Variants in NOL4 observed in about 807,000 individuals in gnomAD.
NOL4 encodes cancer/testis antigen 125.
Under a neutral mutation model 75.9 loss-of-function variants are expected in NOL4, and 17 were observed. The ratio of observed to expected loss-of-function variants is 0.22; its 90% CI spans 0.15 to 0.34. The LOEUF is 0.34. NOL4 is among the 10% of genes least tolerant of loss of function. The pLI is 1.00. For missense variants in NOL4, 614 were observed against 793.5 expected, an observed-to-expected ratio of 0.77 and a Z score of 2.72; for synonymous variants, 292 against 289.9, an observed-to-expected ratio of 1.01 and a Z score of -0.07.
At chr18:34,068,463 G>A (rs1028662625) in intron 5 of NOL4, among the ~76,000 whole-genome samples, 2 of 151,872 alleles carry the variant, frequency 1.3e-5, no homozygotes, top group African/African-American at 2.4e-5. Context: ...GCAGTGGCGC[G>A]AGCTTGGCTC....
intron 10 of NOL4, among the ~76,000 whole-genome samples, chr18:33,856,166 T>C (rs1032921918): frequency 6.6e-6 from 1 of 151,994 alleles, no homozygotes; most frequent in Non-Finnish European, 1.5e-5. Flanking sequence ...CAGTGACTGA[T>C]GGATGTTTGT....
intron 1 of NOL4, among the ~76,000 whole-genome samples, chr18:34,173,749 A>G (rs948761135): frequency 6.6e-6 from 1 of 152,150 alleles, no homozygotes; most frequent in Non-Finnish European, 1.5e-5. Context: ...TGTTATATGA[A>G]TTATTGAAAG....
rs111953352 is a variant in NOL4, at chr18:33,972,278, A to T, written c.1057-13860T>A. 7.1e-3 allele frequency among the ~76,000 whole-genome samples: 1,071 copies of T among 150,822 alleles called. 14 individuals carry two copies. The highest frequency in any genetic ancestry group is 0.023 in the African/African-American group (940 of 40,816). On this transcript the variant is annotated intron_variant, in intron 6 of 10. Transcript: ENST00000261592. The stretch of plus-strand genomic sequence containing the variant: ...ATAAAAATGCCTGCAACTCAACAAT[A>T]AAAAAAAACAAATAACCTGATTAAA...
chr18:33,941,891 C>T (rs2068515769), intron 9 of NOL4, among the ~76,000 whole-genome samples: 2 of 151,822 alleles, frequency 1.3e-5, no homozygotes, highest in African/African-American at 2.4e-5. Context: ...GATAAAACTC[C>T]TAACAGAGGG....
intron 1 of NOL4, among the ~76,000 whole-genome samples, chr18:34,171,029 T>C (rs1243681597): frequency 6.6e-6 from 1 of 152,216 alleles, no homozygotes; most frequent in African/African-American, 2.4e-5. Flanking sequence ...TTTGAGGGAA[T>C]AAATATTTGA....
chr18:33,927,906 A>G (rs1440791904), intron 9 of NOL4, among the ~76,000 whole-genome samples: 1 of 151,986 alleles, frequency 6.6e-6, no homozygotes, highest in Non-Finnish European at 1.5e-5. Context: ...TTCCTTTAGG[A>G]AGCATAGCCC....
intron 9 of NOL4, among the ~76,000 whole-genome samples, chr18:33,934,172 G>T (rs1370589949): frequency 6.6e-6 from 1 of 152,002 alleles, no homozygotes; most frequent in African/African-American, 2.4e-5. Flanking sequence ...TTCCTGAGCA[G>T]TAGGCCTCAA....
At chr18:34,219,309 A>C (rs1265727711) in intron 1 of NOL4, among the ~76,000 whole-genome samples, 1 of 152,252 alleles carries the variant, frequency 6.6e-6, no homozygotes, top group Non-Finnish European at 1.5e-5. Flanking sequence ...TTCAATATTC[A>C]TATTCATTAC....
chr18:34,174,003 A>G (rs957583639), intron 1 of NOL4, among the ~76,000 whole-genome samples: 2 of 152,194 alleles, frequency 1.3e-5, no homozygotes, highest in Admixed American at 6.5e-5. Flanking sequence ...AATTATTTCA[A>G]TTGAACTTTA....
chr18:33,973,742 G>C (rs1165399125), intron 6 of NOL4, among the ~76,000 whole-genome samples: 2 of 152,172 alleles, frequency 1.3e-5, no homozygotes, highest in Admixed American at 6.6e-5. Context: ...GTAATATTTT[G>C]AAACGAATCT....
chr18:34,133,703 T>C (rs1226786294), intron 1 of NOL4, among the ~76,000 whole-genome samples: 2 of 151,932 alleles, frequency 1.3e-5, no homozygotes, highest in Non-Finnish European at 2.9e-5. Flanking sequence ...GATCCACACA[T>C]AGAAAGAAAG....
chr18:34,067,724 G>A (rs1033508293), intron 5 of NOL4, among the ~76,000 whole-genome samples: 4 of 152,156 alleles, frequency 2.6e-5, no homozygotes, highest in African/African-American at 7.2e-5. Flanking sequence ...TTGCCTTTGA[G>A]AAGGAAAGGA....
In NOL4 at chr18:33,888,784, G is replaced by A. The variant is rs144563598; in HGVS notation, c.1543-5360C>T. ...CTCTGTTTCCTTTGTCCATATATCT[G>A]TTTTGGTACTAATACCATGCTGTTT... On this transcript the variant is annotated intron_variant, in intron 9 of 10. Transcript: ENST00000261592. 3.1e-3 allele frequency among the ~76,000 whole-genome samples: 477 copies of A among 152,194 alleles called. 2 individuals are homozygous for A. Among genetic ancestry groups the A allele is most frequent in the African/African-American group, 0.011 (460 of 41,530 alleles).
At chr18:34,097,233 A>G (rs1487510025) in intron 4 of NOL4, among the ~76,000 whole-genome samples, 2 of 152,206 alleles carry the variant, frequency 1.3e-5, no homozygotes, top group Non-Finnish European at 2.9e-5. Context: ...TTCCCATAAG[A>G]CTGCTTAAAA....
intron 9 of NOL4, among the ~76,000 whole-genome samples, chr18:33,885,885 AC>A (rs2064610611): frequency 6.6e-6 from 1 of 152,168 alleles, no homozygotes. Context: ...GTTTGTTGCA[AC>A]ACTGTTTACA....
chr18:33,943,691 TATAA>T (rs1444609634), intron 8 of NOL4, among the ~76,000 whole-genome samples: 1 of 151,702 alleles, frequency 6.6e-6, no homozygotes, highest in East Asian at 1.9e-4. Context: ...TGGTTTTAAA[TATAA>T]ATAATTAAAA....
chr18:33,947,946 T>A (rs1198422426), intron 8 of NOL4, among the ~76,000 whole-genome samples: 1 of 151,930 alleles, frequency 6.6e-6, no homozygotes, highest in Admixed American at 6.6e-5. Context: ...TTCTTATATA[T>A]GTTGATAAAA....
intron 5 of NOL4, among the ~76,000 whole-genome samples, chr18:34,033,038 G>C (rs1421619202): frequency 6.6e-6 from 1 of 152,060 alleles, no homozygotes; most frequent in African/African-American, 2.4e-5. Flanking sequence ...AACACCATAG[G>C]TACATATTCA....
chr18:34,208,344 G>A (rs1322923981), intron 1 of NOL4, among the ~76,000 whole-genome samples: 1 of 151,862 alleles, frequency 6.6e-6, no homozygotes, highest in Non-Finnish European at 1.5e-5. Flanking sequence ...AGACTCATGA[G>A]CCCTACCCTG....
Sources: gnomAD v4.1 joint callset for allele counts (sites outside exome capture counted in the v4.1 genomes callset) on GRCh38, gnomAD v4.1.1 for gene constraint, MANE v1.5 for transcripts, NCBI Gene and HGNC (gene_info 2026-07-23, HGNC 2026-07-21) for gene names.